Variants in CPD observed in about 807,000 individuals in gnomAD.
CPD encodes carboxypeptidase D.
Under a neutral mutation model 138.3 loss-of-function variants are expected in CPD, and 69 were observed. That is an observed-to-expected ratio of 0.50 (90% CI 0.41 to 0.61). The LOEUF is 0.61. Ranked by LOEUF, CPD falls within the 20% of genes least tolerant of loss-of-function variation. The pLI is 0.00. For synonymous variants in CPD, 651 were observed against 642.1 expected, an observed-to-expected ratio of 1.01 and a Z score of -0.21; for missense variants, 1,432 against 1,733.3, an observed-to-expected ratio of 0.83 and a Z score of 3.09.
intron 11 of CPD, among the ~76,000 whole-genome samples, chr17:30,445,060 T>C (rs964081441): frequency 6.6e-6 from 1 of 152,180 alleles, no homozygotes; most frequent in Non-Finnish European, 1.5e-5. Flanking sequence ...CTAGCACCTC[T>C]GCAACTTTCC....
Position 30,466,969 on chromosome 17 carries a change from A to G in CPD, c.*2155A>G, listed in dbSNP as rs756409104. On this transcript the variant is annotated 3_prime_UTR_variant, in exon 21 of 21. Transcript: ENST00000225719. ...TCTTCAATGAACTTTTAAATAATGC[A>G]TTTAGCTGGAAAACAAGACTTTCCC... The G allele has an allele frequency of 3.3e-5, 5 of 152,608 alleles. No homozygotes were observed. The highest frequency in any genetic ancestry group is 5.9e-5 in the Non-Finnish European group (4 of 68,014). 9.5% of individuals were successfully genotyped at this position (152,608 alleles called of 1,614,324 possible).
chr17:30,466,116 TTTA>T lies in CPD; in HGVS notation c.*1307_*1309del, dbSNP rs1390727335. ...AGGCAAAGACCGGAAAGATTTGCAT[TTTA>T]TTATGTCTGTCTTATCATGCAATGG... On this transcript the variant is annotated 3_prime_UTR_variant, in exon 21 of 21. Coordinates refer to ENST00000225719, the MANE Select transcript of CPD (RefSeq NM_001304.5). 1 of 152,620 alleles carries T rather than the reference TTTA, an allele frequency of 6.6e-6. No individual in the cohort carries two copies. Among genetic ancestry groups the T allele is most frequent in the Admixed American group, 6.5e-5 (1 of 15,282 alleles). The allele number at this position is 152,620 out of a possible 1,614,324, so 9.5% of individuals were successfully genotyped here.
intron 17 of CPD, among the ~76,000 whole-genome samples, chr17:30,459,177 CCT>C (rs1913389388): frequency 2.6e-5 from 2 of 75,592 alleles, no homozygotes; most frequent in Non-Finnish European, 5.3e-5. Flanking sequence ...TTGTTGTTTT[CCT>C]TTTTTTTAAT....
At chr17:30,453,883 T>C (rs1456003999) in intron 14 of CPD, 2 of 152,234 alleles carry the variant, frequency 1.3e-5, no homozygotes, top group Non-Finnish European at 2.9e-5. Flanking sequence ...CTTCCACCCA[T>C]TGAAGCAACA....
intron 11 of CPD, among the ~76,000 whole-genome samples, chr17:30,444,681 A>C (rs537698267): frequency 6.6e-6 from 1 of 151,818 alleles, no homozygotes; most frequent in Admixed American, 6.6e-5. Context: ...GTGCCACCAC[A>C]CCCGACTAAT....
chr17:30,414,293 AG>A (rs1181698242), intron 2 of CPD, among the ~76,000 whole-genome samples: 2 of 152,180 alleles, frequency 1.3e-5, no homozygotes, highest in Admixed American at 6.5e-5. Flanking sequence ...GCAATTGCAG[AG>A]GCTGGGCGCA....
At chr17:30,423,814 AT>A in intron 6 of CPD, 117 bp downstream of exon 6, 1 of 764,938 alleles carries the variant, frequency 1.3e-6, no homozygotes, top group Non-Finnish European at 2.0e-6. Flanking sequence ...TTTCCTTTTA[AT>A]TTATGATTGA....
At chr17:30,423,230 T>C (rs549482345) in intron 5 of CPD, among the ~76,000 whole-genome samples, 2 of 152,282 alleles carry the variant, frequency 1.3e-5, no homozygotes, top group African/African-American at 4.8e-5. Flanking sequence ...ATATTAGGCA[T>C]GGTATTTAAT....
intron 2 of CPD, among the ~76,000 whole-genome samples, chr17:30,409,717 T>G (rs1185136850): frequency 6.8e-6 from 1 of 147,710 alleles, no homozygotes; most frequent in Non-Finnish European, 1.5e-5. Flanking sequence ...TTATCATTTT[T>G]TATTGCATCT....
chr17:30,445,978 G>C lies in CPD; in HGVS notation c.2831G>C (p.Arg944Thr). 6.2e-7 allele frequency: 1 copy of C among 1,612,966 alleles called. No homozygotes were observed. Among genetic ancestry groups the C allele is most frequent in the Middle Eastern group, 1.7e-4 (1 of 6,058 alleles). ...HSYKDLSEFL[R>T]GLVMNYPHIT... is the part of the protein sequence containing the mutation. ...TACAAAGACTTATCAGAGTTTCTGA[G>C]AGGACTTGTAATGAACTATCCACAT... The change falls in exon 12 of 21, where the codon AGA becomes ACA. Residue 944 changes from arginine to threonine, a missense_variant. Physicochemically the swap from Arg to Thr is moderately conservative, Grantham distance 71. Around this residue, in one of 6 missense-constraint regions of CPD, gnomAD observed 124 missense variants for 117.0 expected, o/e 1.06. Transcript: ENST00000225719.
rs1423690042 is a variant in CPD, at chr17:30,466,114, A to T, written c.*1300A>T. 6.6e-6 allele frequency: 1 copy of T among 152,646 alleles called. No individual in the cohort carries two copies. The highest frequency in any genetic ancestry group is 1.5e-5 in the Non-Finnish European group (1 of 68,034). The allele number at this position is 152,646 out of a possible 1,614,324, so 9.5% of individuals were successfully genotyped here. ...TCAGGCAAAGACCGGAAAGATTTGC[A>T]TTTTATTATGTCTGTCTTATCATGC... On this transcript the variant is annotated 3_prime_UTR_variant, in exon 21 of 21. Coordinates refer to ENST00000225719, the MANE Select transcript of CPD (RefSeq NM_001304.5).
chr17:30,455,338 G>A lies in CPD; in HGVS notation c.3206-1G>A. ...TTATATTTGACTTTTCTCTTTTTTA[G>A]ATAATGCCTCCCAACCTGAGACCAA... On this transcript the variant is annotated splice_acceptor_variant, in intron 14 of 20. Coordinates refer to ENST00000225719, the MANE Select transcript of CPD (RefSeq NM_001304.5). LOFTEE classifies it high-confidence loss of function. The A allele has an allele frequency of 6.3e-7, 1 of 1,594,578 alleles. No individual in the cohort carries two copies. Among genetic ancestry groups the A allele is most frequent in the Non-Finnish European group, 8.5e-7 (1 of 1,173,548 alleles).
intron 2 of CPD, among the ~76,000 whole-genome samples, chr17:30,405,986 G>A (rs1911791828): frequency 6.6e-6 from 1 of 151,878 alleles, no homozygotes; most frequent in Non-Finnish European, 1.5e-5. Context: ...TTTATATTAT[G>A]CATTTTATTA....
intron 9 of CPD, among the ~76,000 whole-genome samples, chr17:30,439,380 TACA>T: frequency 6.8e-6 from 1 of 146,748 alleles, no homozygotes; most frequent in Non-Finnish European, 1.5e-5. Flanking sequence ...TTTTTTTCTT[TACA>T]ACGTTACTTT....
chr17:30,403,817 A>G (rs577485119), intron 2 of CPD, among the ~76,000 whole-genome samples: 5 of 152,342 alleles, frequency 3.3e-5, no homozygotes, highest in Admixed American at 3.3e-4. Context: ...ATATGCCCAC[A>G]TTAAGATCTA....
intron 8 of CPD, among the ~76,000 whole-genome samples, chr17:30,438,293 C>G (rs1912759692): frequency 6.6e-6 from 1 of 151,964 alleles, no homozygotes; most frequent in South Asian, 2.1e-4. Flanking sequence ...TAGGAAACTC[C>G]CCCTGCCACT....
At chr17:30,404,345 A>G (rs1159508846) in intron 2 of CPD, among the ~76,000 whole-genome samples, 2 of 152,204 alleles carry the variant, frequency 1.3e-5, no homozygotes, top group Admixed American at 1.3e-4. Flanking sequence ...GTATGCTTCA[A>G]AGAAGAATAA....
At chr17:30,397,317 T>G (rs1911534781) in intron 2 of CPD, among the ~76,000 whole-genome samples, 1 of 152,188 alleles carries the variant, frequency 6.6e-6, no homozygotes, top group Non-Finnish European at 1.5e-5. Flanking sequence ...TTAAATACAC[T>G]AACATACTAT....
Position 30,421,789 on chromosome 17 carries a change from A to T in CPD, c.1263A>T (p.Arg421=). 6.2e-7 allele frequency: 1 copy of T among 1,613,772 alleles called. No homozygotes were observed. Residue 421 remains arginine (R), a synonymous_variant, in exon 4 of 21, where the codon CGA becomes CGT. Coordinates refer to ENST00000225719, the MANE Select transcript of CPD (RefSeq NM_001304.5). ...ITTGRFGDFY[R]LLVPGTYNLT... is the part of the protein sequence containing the mutation. Reference sequence around the variant, plus strand: ...CAGGCAGATTTGGTGATTTCTACCGATTACTTGTTCCTGGAACTTACAACC... The same window carrying T: ...CAGGCAGATTTGGTGATTTCTACCGTTTACTTGTTCCTGGAACTTACAACC...
Sources: allele counts gnomAD v4.1 joint callset (sites outside exome capture counted in the v4.1 genomes callset), GRCh38; gene constraint gnomAD v4.1.1; regional missense constraint gnomAD v4.1.1; transcripts MANE v1.5; gene names NCBI Gene and HGNC (gene_info 2026-07-23, HGNC 2026-07-21).